DPP6: variants seen among roughly 807,000 people sequenced by gnomAD.
DPP6 encodes A-type potassium channel modulatory protein DPP6.
DPP6 carries 69 observed loss-of-function variants against 122.6 expected under a neutral mutation model. The ratio of observed to expected loss-of-function variants is 0.56; its 90% CI spans 0.46 to 0.69. The LOEUF is 0.69. DPP6 is among the 30% of genes least tolerant of loss of function. The pLI is 0.00. For missense variants in DPP6, 928 were observed against 1,116.9 expected (o/e 0.83, Z 2.41); for synonymous variants, 418 against 433.1 (o/e 0.97, Z 0.43).
intron 1 of DPP6, among the ~76,000 whole-genome samples, chr7:153,914,116 G>A (rs1420226122): frequency 6.6e-6 from 1 of 152,060 alleles, no homozygotes; most frequent in Non-Finnish European, 1.5e-5. Context: ...TTGAATCATG[G>A]GGGTGGGTCT....
chr7:154,817,914 C>A lies in DPP6; in HGVS notation c.1666+10802C>A, dbSNP rs181863032. Among the ~76,000 whole-genome samples the A allele has an allele frequency of 3.3e-5, 5 of 152,166 alleles. No homozygotes were observed. The East Asian group carries it at 9.7e-4, about 30-fold the overall frequency. On this transcript the variant is annotated intron_variant, in intron 16 of 25. Transcript: ENST00000377770. ...ATTAGTGATGTGTGTCACCCACAGT[C>A]ATGGGGGAGCAGGTGGCAGCCACAT...
chr7:153,809,600 CTTGGTGCAGTG>C, the DPP6 span, among the ~76,000 whole-genome samples: 2 of 151,710 alleles, frequency 1.3e-5, no homozygotes, highest in Non-Finnish European at 2.9e-5. Flanking sequence ...CAGCCCTTTC[CTTGGTGCAGTG>C]TTGGTGGAAC....
chr7:154,311,846 C>T (rs1806924166), intron 1 of DPP6, among the ~76,000 whole-genome samples: 1 of 152,186 alleles, frequency 6.6e-6, no homozygotes, highest in Non-Finnish European at 1.5e-5. Flanking sequence ...ATGTGCTTTT[C>T]CACCTGGGCC....
intron 1 of DPP6, among the ~76,000 whole-genome samples, chr7:153,956,521 G>A (rs1802470201): frequency 3.9e-5 from 6 of 152,074 alleles, no homozygotes; most frequent in Admixed American, 3.9e-4. Context: ...TGACTGAGGG[G>A]GTGGCCACAG....
intron 3 of DPP6, among the ~76,000 whole-genome samples, chr7:154,498,045 G>A (rs1824906520): frequency 6.6e-6 from 1 of 152,216 alleles, no homozygotes; most frequent in Non-Finnish European, 1.5e-5. Context: ...GTGAAACCGA[G>A]CATGGGAGAG....
the DPP6 span, among the ~76,000 whole-genome samples, chr7:153,852,543 A>G: frequency 1.2e-4 from 18 of 152,200 alleles, no homozygotes; most frequent in African/African-American, 4.1e-4. Context: ...TACCCTCATG[A>G]TTCAATCAAC....
chr7:154,045,212 A>AC (rs1414329476), intron 1 of DPP6, among the ~76,000 whole-genome samples: 1 of 151,580 alleles, frequency 6.6e-6, no homozygotes, highest in East Asian at 1.9e-4. Context: ...AAAAAAAAAA[A>AC]AAACACTCCC....
At chr7:154,209,247 C>G (rs1799612487) in intron 1 of DPP6, among the ~76,000 whole-genome samples, 1 of 152,208 alleles carries the variant, frequency 6.6e-6, no homozygotes, top group South Asian at 2.1e-4. Flanking sequence ...TCAGCCTATT[C>G]AGTGCATTCT....
intron 5 of DPP6, among the ~76,000 whole-genome samples, chr7:154,571,444 C>T (rs1767184674): frequency 6.6e-6 from 1 of 152,110 alleles, no homozygotes; most frequent in Non-Finnish European, 1.5e-5. Flanking sequence ...TATGCCAACC[C>T]TATGTATTAT....
chr7:154,285,680 T>G (rs1159964683), intron 1 of DPP6, among the ~76,000 whole-genome samples: 2 of 152,204 alleles, frequency 1.3e-5, no homozygotes, highest in Non-Finnish European at 2.9e-5. Context: ...CTAAGGAAAT[T>G]TATACATTTT....
chr7:154,402,294 C>A (rs1159438503), intron 1 of DPP6, among the ~76,000 whole-genome samples: 1 of 151,950 alleles, frequency 6.6e-6, no homozygotes, highest in Non-Finnish European at 1.5e-5. Context: ...AAGACACATG[C>A]ACACGTATGT....
At chr7:154,267,059 T>A (rs1447848711) in intron 1 of DPP6, among the ~76,000 whole-genome samples, 3 of 152,082 alleles carry the variant, frequency 2.0e-5, no homozygotes, top group Non-Finnish European at 4.4e-5. Flanking sequence ...AGTAATATAT[T>A]GCAACAAATT....
chr7:154,307,499 G>A (rs1349997654), intron 1 of DPP6, among the ~76,000 whole-genome samples: 1 of 151,792 alleles, frequency 6.6e-6, no homozygotes, highest in East Asian at 1.9e-4. Flanking sequence ...CCCCCACCAT[G>A]AAGTATAATG....
intron 1 of DPP6, among the ~76,000 whole-genome samples, chr7:154,299,780 G>T (rs545830511): frequency 2.0e-5 from 3 of 152,240 alleles, no homozygotes; most frequent in Admixed American, 2.0e-4. Context: ...GTAGGTCCTG[G>T]ATAAACACTT....
chr7:154,142,133 A>C (rs2150664229), intron 1 of DPP6, among the ~76,000 whole-genome samples: 1 of 152,186 alleles, frequency 6.6e-6, no homozygotes, highest in Non-Finnish European at 1.5e-5. Context: ...ACCACGAGAT[A>C]CATTGATAAT....
At chr7:154,443,589 A>T (rs1047231299) in intron 1 of DPP6, among the ~76,000 whole-genome samples, 2 of 148,434 alleles carry the variant, frequency 1.3e-5, no homozygotes, top group African/African-American at 2.5e-5. Context: ...TGGATGGATG[A>T]GTGGATGGAT....
intron 3 of DPP6, among the ~76,000 whole-genome samples, chr7:154,485,134 G>A (rs751326172): frequency 6.6e-6 from 1 of 152,110 alleles, no homozygotes; most frequent in African/African-American, 2.4e-5. Flanking sequence ...ACAGCAGCCT[G>A]TATCCCATGG....
the DPP6 span, among the ~76,000 whole-genome samples, chr7:153,803,858 T>C: frequency 0.033 from 4,927 of 151,584 alleles, 254 homozygotes; most frequent in African/African-American, 0.11. Flanking sequence ...CACACACATA[T>C]ATATATACAC....
chr7:154,800,928 T>C (rs563888242), intron 12 of DPP6, among the ~76,000 whole-genome samples: 55 of 152,344 alleles, frequency 3.6e-4, no homozygotes, highest in Admixed American at 6.5e-4. Context: ...TATGTTTTTT[T>C]CTGATATATA....
Sources: gnomAD v4.1 joint callset for allele counts (sites outside exome capture counted in the v4.1 genomes callset) on GRCh38, gnomAD v4.1.1 for gene constraint, MANE v1.5 for transcripts, NCBI Gene and HGNC (gene_info 2026-07-23, HGNC 2026-07-21) for gene names.